Variants in PDZD2 observed in about 807,000 individuals in gnomAD.
PDZD2 encodes the protein PDZ domain-containing protein 2.
A neutral mutation model predicts 220.7 loss-of-function variants in PDZD2; 90 were observed. The observed-to-expected ratio is 0.41, with a 90% CI of 0.34 to 0.49. The LOEUF is 0.49. Ranked by LOEUF, PDZD2 falls within the 20% of genes least tolerant of loss-of-function variation. PDZD2 has a pLI of 0.28. For missense variants in PDZD2, 3,174 were observed against 3,608.5 expected, an observed-to-expected ratio of 0.88 and a Z score of 3.08; for synonymous variants, 1,375 against 1,450.5, an observed-to-expected ratio of 0.95 and a Z score of 1.18.
At chr5:31,745,493 A>G (rs1750543687) in intron 1 of PDZD2, among the ~76,000 whole-genome samples, 2 of 152,250 alleles carry the variant, frequency 1.3e-5, no homozygotes, top group Non-Finnish European at 2.9e-5. Flanking sequence ...AAGCTCTCAC[A>G]CACGCCCTGG....
intron 2 of PDZD2, chr5:31,908,234 G>C (rs1254101212): frequency 5.5e-6 from 1 of 181,322 alleles, no homozygotes; most frequent in Admixed American, 6.1e-5. Flanking sequence ...TTTTTGGTTT[G>C]ATCCTTTTTT....
rs543433670 is a variant in PDZD2 at position 32,071,780 on chromosome 5, AG to A, written c.2568+364del. ...GCTGAGTCTCAGTGCGTCAGGGTGC[AG>A]GATTCAAACTCCCCTGGTTTTTGTT... On this transcript the variant is annotated intron_variant, in intron 16 of 24. Coordinates refer to ENST00000438447, the MANE Select transcript of PDZD2 (RefSeq NM_178140.4). Among the ~76,000 whole-genome samples the A allele has an allele frequency of 1.4e-4, 22 of 152,322 alleles. No homozygotes were observed. The East Asian group carries it at 4.1e-3, about 28-fold the overall frequency.
intron 2 of PDZD2, among the ~76,000 whole-genome samples, chr5:31,968,933 T>C (rs937809601): frequency 2.0e-5 from 3 of 152,130 alleles, no homozygotes; most frequent in African/African-American, 7.2e-5. Flanking sequence ...TTTAGCAGTG[T>C]TTGGAGCTTT....
intron 1 of PDZD2, among the ~76,000 whole-genome samples, chr5:31,676,919 G>T (rs896106371): frequency 1.4e-5 from 2 of 139,464 alleles, no homozygotes; most frequent in Non-Finnish European, 3.3e-5. Context: ...TTTTAAAAAG[G>T]GGGGTTTGGC....
intron 1 of PDZD2, among the ~76,000 whole-genome samples, chr5:31,680,733 G>C (rs1170611801): frequency 6.6e-6 from 1 of 152,082 alleles, no homozygotes; most frequent in African/African-American, 2.4e-5. Context: ...TTATTCCACT[G>C]CCCTCTGGAA....
At chr5:31,723,856 G>A (rs564253779) in intron 1 of PDZD2, among the ~76,000 whole-genome samples, 70 of 152,214 alleles carry the variant, frequency 4.6e-4, no homozygotes, top group African/African-American at 1.7e-3. Flanking sequence ...GATCTCAGGC[G>A]ATCCGCCCAC....
At chr5:31,698,603 A>G (rs1747480239) in intron 1 of PDZD2, among the ~76,000 whole-genome samples, 1 of 151,810 alleles carries the variant, frequency 6.6e-6, no homozygotes, top group Admixed American at 6.6e-5. Flanking sequence ...TGTCTCAAAA[A>G]AAAAAAAAAA....
intron 1 of PDZD2, among the ~76,000 whole-genome samples, chr5:31,717,709 C>G (rs777455711): frequency 6.6e-6 from 1 of 152,174 alleles, no homozygotes; most frequent in Non-Finnish European, 1.5e-5. Context: ...GTCCCCATTC[C>G]GTTGTCCTCT....
intron 1 of PDZD2, among the ~76,000 whole-genome samples, chr5:31,760,879 G>A (rs756762627): frequency 6.6e-6 from 1 of 152,106 alleles, no homozygotes; most frequent in African/African-American, 2.4e-5. Context: ...CCGAGATCAC[G>A]CCACTGCACT....
In PDZD2 at chr5:32,075,672, C is replaced by T. The variant is rs556222518; in HGVS notation, c.3537+1029C>T. On this transcript the variant is annotated intron_variant, in intron 18 of 24. Coordinates refer to ENST00000438447, the MANE Select transcript of PDZD2 (RefSeq NM_178140.4). ...CCTCTACTTTATCAAGGAGACAGTA[C>T]GAGAAATCAATGTTGTTTATAATCT... Among the ~76,000 whole-genome samples, 4 of 152,160 alleles carry T rather than the reference C, an allele frequency of 2.6e-5. No homozygotes were observed. The South Asian group carries it at 6.2e-4, about 24-fold the overall frequency.
intron 6 of PDZD2, among the ~76,000 whole-genome samples, chr5:32,021,717 T>C (rs1249929793): frequency 6.6e-6 from 1 of 152,240 alleles, no homozygotes; most frequent in Non-Finnish European, 1.5e-5. Context: ...TCCCGGTTTG[T>C]TAATGGGCAG....
At chr5:31,868,114 CCA>C (rs1323613768) in intron 2 of PDZD2, among the ~76,000 whole-genome samples, 1 of 152,242 alleles carries the variant, frequency 6.6e-6, no homozygotes, top group South Asian at 2.1e-4. Flanking sequence ...CTGTCTGACC[CCA>C]CACACAAACC....
At chr5:31,777,489 C>A (rs1275229665) in intron 1 of PDZD2, among the ~76,000 whole-genome samples, 2 of 152,118 alleles carry the variant, frequency 1.3e-5, no homozygotes, top group South Asian at 4.1e-4. Context: ...CATCCAAGGG[C>A]TGAGGGGTGC....
At chr5:31,698,755 GC>G (rs1357801069) in intron 1 of PDZD2, among the ~76,000 whole-genome samples, 2 of 152,148 alleles carry the variant, frequency 1.3e-5, no homozygotes, top group Non-Finnish European at 2.9e-5. Context: ...GGACGCCAAG[GC>G]CCAGGAATTA....
At chr5:31,749,243 C>G (rs915854534) in intron 1 of PDZD2, among the ~76,000 whole-genome samples, 1 of 152,136 alleles carries the variant, frequency 6.6e-6, no homozygotes, top group Non-Finnish European at 1.5e-5. Flanking sequence ...ATCTTTTGCC[C>G]TAGATCAGTG....
At chr5:31,934,348 A>G (rs1273966946) in intron 2 of PDZD2, among the ~76,000 whole-genome samples, 6 of 152,160 alleles carry the variant, frequency 3.9e-5, no homozygotes, top group Non-Finnish European at 8.8e-5. Context: ...GAATGCACAC[A>G]AAAAATGTGG....
intron 2 of PDZD2, among the ~76,000 whole-genome samples, chr5:31,872,142 G>GTGTGTGTGTGTGT (rs59514107): frequency 6.8e-6 from 1 of 147,676 alleles, no homozygotes. Context: ...TAAGGTGAGT[G>GTGTGTGTGTGTGT]GTGTGTGTGT....
chr5:31,709,208 T>C (rs1376551741), intron 1 of PDZD2, among the ~76,000 whole-genome samples: 2 of 152,102 alleles, frequency 1.3e-5, no homozygotes, highest in African/African-American at 4.8e-5. Flanking sequence ...TTTTAAAGAT[T>C]ATAATAATAA....
intron 2 of PDZD2, among the ~76,000 whole-genome samples, chr5:31,867,561 G>A (rs1738343778): frequency 6.6e-6 from 1 of 152,020 alleles, no homozygotes; most frequent in Non-Finnish European, 1.5e-5. Context: ...GCCCTTCACG[G>A]GTCTATATTT....
Sources: allele counts gnomAD v4.1 joint callset (sites outside exome capture counted in the v4.1 genomes callset), GRCh38; gene constraint gnomAD v4.1.1; transcripts MANE v1.5; gene names NCBI Gene and HGNC (gene_info 2026-07-23, HGNC 2026-07-21).